Variants in MMP9 observed in about 807,000 individuals in gnomAD.
The protein encoded by MMP9 is matrix metallopeptidase 9, also known as matrix metalloproteinase-9.
MMP9 carries 73 observed loss-of-function variants against 76.4 expected under a neutral mutation model. The observed-to-expected ratio is 0.96, with a 90% confidence interval of 0.79 to 1.16. MMP9 has a LOEUF of 1.16. MMP9 is among the 50% of genes most tolerant of loss of function. MMP9 has a pLI of 0.00. For synonymous variants in MMP9, 412 were observed against 408.4 expected, an observed-to-expected ratio of 1.01 and a Z score of -0.11; for missense variants, 943 against 973.0, an observed-to-expected ratio of 0.97 and a Z score of 0.41.
chr20:46,014,434 C>A lies in MMP9; in HGVS notation c.1965C>A (p.Pro655=), dbSNP rs1022599734. 9 of 1,550,408 alleles carry A rather than the reference C, an allele frequency of 5.8e-6. No homozygotes were observed. Among genetic ancestry groups the A allele is most frequent in the Non-Finnish European group, 7.8e-6 (9 of 1,146,980 alleles). Residue 655 remains proline, a synonymous_variant, in exon 12 of 13, where the codon CCC becomes CCA. Coordinates refer to ENST00000372330, the MANE Select transcript of MMP9 (RefSeq NM_004994.3). ...CCAGCGAGGTGGACCGGATGTTCCC[C>A]GGGGTGCCTTTGGACACGCACGACG... is the stretch of plus-strand genomic sequence containing the variant. ...RSASEVDRMF[P]GVPLDTHDVF...
rs139509848 is a variant in MMP9 at position 46,011,692 on chromosome 20, C to T, written c.942C>T (p.Cys314=). 21 of 1,613,796 alleles carry T rather than the reference C, an allele frequency of 1.3e-5. No homozygotes were observed. The highest frequency in any genetic ancestry group is 3.3e-5 in the Admixed American group (2 of 60,006). Residue 314 remains cysteine (C), a synonymous_variant, in exon 6 of 13, where the codon TGC becomes TGT. Coordinates refer to ENST00000372330, the MANE Select transcript of MMP9 (RefSeq NM_004994.3). ...GTCGCTCCGACGGCTACCGCTGGTG[C>T]GCCACCACCGCCAACTACGACCGGG... is the stretch of plus-strand genomic sequence containing the variant. ...TDGRSDGYRW[C]ATTANYDRDK... is the part of the protein sequence containing the mutation.
chr20:46,014,433 C>T lies in MMP9; in HGVS notation c.1964C>T (p.Pro655Leu), dbSNP rs531026399. The T allele has an allele frequency of 4.5e-6, 7 of 1,550,558 alleles. No homozygotes were observed. The Admixed American group carries it at 7.8e-5, about 17-fold the overall frequency. Residue 655 changes from proline (P) to leucine (L), a missense_variant, in exon 12 of 13, where the codon CCC (proline) becomes CTC (leucine). By Grantham distance (98) the Pro-to-Leu change is moderately conservative. Transcript: ENST00000372330. ...GCCAGCGAGGTGGACCGGATGTTCC[C>T]CGGGGTGCCTTTGGACACGCACGAC... is the stretch of plus-strand genomic sequence containing the variant. ...RSASEVDRMF[P>L]GVPLDTHDVF...
chr20:46,010,720 G>C, intron 3 of MMP9, 89 bp downstream of exon 3: 1 of 1,547,794 alleles, frequency 6.5e-7, no homozygotes, highest in Non-Finnish European at 8.7e-7. Context: ...CAGTGGCCCC[G>C]GCTTCCTCTT....
intron 12 of MMP9, 37 bp downstream of exon 12, chr20:46,014,511 A>G (rs1400396700): frequency 1.3e-6 from 2 of 1,530,076 alleles, no homozygotes; most frequent in Non-Finnish European, 1.8e-6. Flanking sequence ...GAGACACCAC[A>G]CTAAGCTCCT....
At chr20:46,010,341 A>AAAAAAAAAAAAAAAATT in intron 2 of MMP9, 142 bp from the exon 3 acceptor site, 1 of 916,638 alleles carries the variant, frequency 1.1e-6, no homozygotes, top group Non-Finnish European at 1.7e-6. Context: ...AAAAAAAAAA[A>AAAAAAAAAAAAAAAATT]CAGTCTGGAA....
intron 12 of MMP9, among the ~76,000 whole-genome samples, chr20:46,015,429 A>G (rs1275737202): frequency 6.8e-6 from 1 of 147,482 alleles, no homozygotes; most frequent in South Asian, 2.2e-4. Flanking sequence ...ATAGCTTTCT[A>G]TATTTTCTTT....
rs1481207494 is a variant in MMP9 at position 46,011,673 on chromosome 20, C to T, written c.923C>T (p.Ser308Phe). Residue 308 changes from serine (S) to phenylalanine (F), a missense_variant, in exon 6 of 13, where the codon TCC (serine) becomes TTC (phenylalanine). By Grantham distance (155) the Ser-to-Phe change is radical. Coordinates refer to ENST00000372330, the MANE Select transcript of MMP9 (RefSeq NM_004994.3). ...SYSACTTDGR[S>F]DGYRWCATTA... is the part of the protein sequence containing the mutation. ...TCCGCCTGCACCACGGACGGTCGCT[C>T]CGACGGCTACCGCTGGTGCGCCACC... The T allele has an allele frequency of 3.1e-6, 5 of 1,614,128 alleles. No homozygotes were observed. The East Asian group carries it at 6.7e-5, about 22-fold the overall frequency.
At chr20:46,010,160 AGCGGTG>A in intron 2 of MMP9, 62 bp downstream of exon 2, 2 of 1,425,712 alleles carry the variant, frequency 1.4e-6, no homozygotes, top group South Asian at 2.5e-5. Flanking sequence ...CTCTTGGGCC[AGCGGTG>A]AACATGTCCT....
intron 2 of MMP9, 150 bp from the exon 3 acceptor site, chr20:46,010,333 A>AAAAACAAAAAAAAAAAAAAAC: frequency 2.4e-6 from 2 of 827,760 alleles, no homozygotes; most frequent in African/African-American, 2.2e-5. Context: ...AAAAAAAAAA[A>AAAAACAAAAAAAAAAAAAAAC]AAAAAAAACA....
intron 12 of MMP9, among the ~76,000 whole-genome samples, chr20:46,014,981 T>A (rs150575502): frequency 1.5e-3 from 225 of 152,342 alleles, no homozygotes; most frequent in African/African-American, 5.2e-3. Context: ...AAAATCTTTT[T>A]CGAGTCTGTC....
At chr20:46,016,165 G>T in intron 12 of MMP9, 85 bp from the exon 13 acceptor site, 3 of 1,266,032 alleles carry the variant, frequency 2.4e-6, no homozygotes, top group Non-Finnish European at 3.5e-6. Flanking sequence ...AATGGCAGAA[G>T]AGATGGTTGT....
chr20:46,013,970 C>A lies in MMP9; in HGVS notation c.1751-154C>A. The A allele has an allele frequency of 7.1e-7, 1 of 1,399,524 alleles. No individual in the cohort carries two copies. Among genetic ancestry groups the A allele is most frequent in the Non-Finnish European group, 9.7e-7 (1 of 1,035,466 alleles). The allele number at this position is 1,399,524 out of a possible 1,614,324, so 86.7% of individuals were successfully genotyped here. A position where few individuals can be genotyped will look rare whatever the true frequency, so the allele number is the denominator to read the frequency against. On this transcript the variant is annotated intron_variant, in intron 10 of 12. Coordinates refer to ENST00000372330, the MANE Select transcript of MMP9 (RefSeq NM_004994.3). This position sits in a 1 kb window ranked among gnomAD's most constrained non-coding sequence, Gnocchi z 4.5. ...AGTTTCTGCCCCCTCCTCTCCACGC[C>A]CTCGCGTCGCTCTACCCAGCGCCTC...
rs1406819668 is a variant in MMP9, at chr20:46,015,115, C to G, written c.2005+641C>G. ...TGAAGGGCAATGGTCTTGGGAGTGA[C>G]CCCAGATGAATTCCAAGGTCAAAGA... On this transcript the variant is annotated intron_variant, in intron 12 of 12. Transcript: ENST00000372330. 2.0e-5 allele frequency among the ~76,000 whole-genome samples: 3 copies of G among 152,112 alleles called. No individual in the cohort carries two copies. In the East Asian group the frequency reaches 5.8e-4, roughly 29 times the overall value.
chr20:46,011,758 C>T lies in MMP9; in HGVS notation c.997+11C>T, dbSNP rs779767160. The T allele has an allele frequency of 4.4e-6, 7 of 1,607,320 alleles. No homozygotes were observed. In the African/African-American group the frequency reaches 9.4e-5, roughly 21 times the overall value. On this transcript the variant is annotated intron_variant, in intron 6 of 12. Transcript: ENST00000372330. ...TCTGCCCGACCCGAGGTACCTCCAC[C>T]CTGTCTACCAGGTTCAGCCCCGCCC...
In MMP9 at chr20:46,012,509, G is replaced by T. The variant is rs1779206945; in HGVS notation, c.1257G>T (p.Met419Ile). Residue 419 changes from methionine to isoleucine, a missense_variant, in exon 8 of 13, where the codon ATG becomes ATT. Met to Ile is a conservative substitution (Grantham distance 10). Coordinates refer to ENST00000372330, the MANE Select transcript of MMP9 (RefSeq NM_004994.3). ...ATTCCTCAGTGCCGGAGGCGCTCAT[G>T]TACCCTATGTACCGCTTCACTGAGG... Reference protein sequence around the residue: ...LDHSSVPEALMYPMYRFTEGP... With the variant: ...LDHSSVPEALIYPMYRFTEGP... 1 of 1,614,020 alleles carries T rather than the reference G, an allele frequency of 6.2e-7. No homozygotes were observed. Among genetic ancestry groups the T allele is most frequent in the African/African-American group, 1.3e-5 (1 of 75,046 alleles).
chr20:46,011,834 G>C, intron 6 of MMP9, 87 bp downstream of exon 6: 2 of 1,472,782 alleles, frequency 1.4e-6, no homozygotes, highest in Non-Finnish European at 1.8e-6. Context: ...CCATCAGTTT[G>C]TCTTTCCACT....
At chr20:46,015,453 C>CTTTTTTTTTTTTTTTTT (rs199508388) in intron 12 of MMP9, among the ~76,000 whole-genome samples, 1 of 125,592 alleles carries the variant, frequency 8.0e-6, no homozygotes, top group Admixed American at 8.1e-5. Context: ...TTTCTTTTTT[C>CTTTTTTTTTTTTTTTTT]TTTTTTTTTT....
intron 12 of MMP9, among the ~76,000 whole-genome samples, chr20:46,015,756 C>A (rs2084317163): frequency 6.6e-6 from 1 of 152,188 alleles, no homozygotes; most frequent in Non-Finnish European, 1.5e-5. Context: ...CAGCCGCTTT[C>A]TATATTTTCA....
chr20:46,016,111 T>TG (rs1228284577), intron 12 of MMP9, 139 bp from the exon 13 acceptor site: 1 of 833,780 alleles, frequency 1.2e-6, no homozygotes. Flanking sequence ...TCTCACAGGT[T>TG]GGGGGGATGG....
Sources: gnomAD v4.1 joint callset for allele counts (sites outside exome capture counted in the v4.1 genomes callset) on GRCh38, gnomAD v4.1.1 for gene constraint, Gnocchi (gnomAD v3.1) non-coding constraint, MANE v1.5 for transcripts, NCBI Gene and HGNC (gene_info 2026-07-23, HGNC 2026-07-21) for gene names.